IMMP2L: variants seen among roughly 807,000 people sequenced by gnomAD.
The protein encoded by IMMP2L is inner mitochondrial membrane peptidase subunit 2, also known as mitochondrial inner membrane protease subunit 2.
A neutral mutation model predicts 19.3 loss-of-function variants in IMMP2L; 18 were observed. That is an observed-to-expected ratio of 0.93 (90% CI 0.64 to 1.38). IMMP2L has a LOEUF of 1.38. IMMP2L is among the 40% of genes most tolerant of loss of function. IMMP2L has a pLI of 0.00. For synonymous variants in IMMP2L, 76 were observed against 73.0 expected, an observed-to-expected ratio of 1.04 and a Z score of -0.21; for missense variants, 233 against 218.2, an observed-to-expected ratio of 1.07 and a Z score of -0.43.
chr7:110,754,370 T>C (rs1385721176), intron 5 of IMMP2L, among the ~76,000 whole-genome samples: 1 of 152,028 alleles, frequency 6.6e-6, no homozygotes, highest in Non-Finnish European at 1.5e-5. Context: ...AAGTCCAGAT[T>C]TAATAGCCTG....
At chr7:111,337,367 A>G (rs911954402) in intron 3 of IMMP2L, among the ~76,000 whole-genome samples, 1 of 152,122 alleles carries the variant, frequency 6.6e-6, no homozygotes, top group Non-Finnish European at 1.5e-5. Context: ...CACCCCATTA[A>G]TTACTTTTTT....
chr7:110,891,563 A>G (rs1810801421), intron 4 of IMMP2L, among the ~76,000 whole-genome samples: 1 of 152,248 alleles, frequency 6.6e-6, no homozygotes, highest in South Asian at 2.1e-4. Flanking sequence ...AGGACAAACA[A>G]TAAGTAGCAA....
chr7:110,934,424 T>G (rs972662477), intron 4 of IMMP2L, among the ~76,000 whole-genome samples: 6 of 152,126 alleles, frequency 3.9e-5, no homozygotes, highest in Non-Finnish European at 1.5e-5. Context: ...GATCTAATAT[T>G]GACAGTGGGA....
At chr7:111,421,414 C>T (rs1835532435) in intron 3 of IMMP2L, among the ~76,000 whole-genome samples, 1 of 150,916 alleles carries the variant, frequency 6.6e-6, no homozygotes, top group Non-Finnish European at 1.5e-5. Context: ...GGACTACAGG[C>T]GCCCGCCATC....
intron 3 of IMMP2L, among the ~76,000 whole-genome samples, chr7:111,300,770 CATGT>C (rs1286965012): frequency 1.1e-4 from 16 of 152,104 alleles, no homozygotes; most frequent in Non-Finnish European, 8.8e-5. Context: ...CAGATTATTT[CATGT>C]ATCATACCTT....
intron 3 of IMMP2L, among the ~76,000 whole-genome samples, chr7:111,425,784 T>C (rs1836015056): frequency 6.6e-6 from 1 of 151,286 alleles, no homozygotes; most frequent in Non-Finnish European, 1.5e-5. Context: ...ATAATCTTAG[T>C]TACCCACCTG....
chr7:111,553,575 G>A (rs898979851), intron 1 of IMMP2L, among the ~76,000 whole-genome samples: 5 of 151,558 alleles, frequency 3.3e-5, no homozygotes, highest in African/African-American at 1.2e-4. Context: ...AAATATTACT[G>A]ACACTGAGAC....
At chr7:110,692,569 T>C (rs1441756031) in intron 5 of IMMP2L, among the ~76,000 whole-genome samples, 1 of 152,200 alleles carries the variant, frequency 6.6e-6, no homozygotes, top group African/African-American at 2.4e-5. Flanking sequence ...CTACACATTG[T>C]TAACCATAAC....
At chr7:111,091,702 A>C (rs1425976181) in intron 3 of IMMP2L, among the ~76,000 whole-genome samples, 1 of 151,968 alleles carries the variant, frequency 6.6e-6, no homozygotes, top group Non-Finnish European at 1.5e-5. Context: ...TGTGTTTGTG[A>C]GATTCTCCAA....
At chr7:110,747,422 C>A (rs1797424669) in intron 5 of IMMP2L, among the ~76,000 whole-genome samples, 1 of 152,136 alleles carries the variant, frequency 6.6e-6, no homozygotes, top group African/African-American at 2.4e-5. Context: ...ATCCTGATAC[C>A]AAAACCTGGC....
At chr7:110,796,962 C>T (rs369276605) in intron 5 of IMMP2L, among the ~76,000 whole-genome samples, 1 of 151,972 alleles carries the variant, frequency 6.6e-6, no homozygotes, top group South Asian at 2.1e-4. Flanking sequence ...CATTGTAAGC[C>T]TCTGGTTTGT....
chr7:111,084,349 G>C (rs372392425), intron 3 of IMMP2L, among the ~76,000 whole-genome samples: 2 of 151,742 alleles, frequency 1.3e-5, no homozygotes, highest in Non-Finnish European at 2.9e-5. Flanking sequence ...CCAGTTTAGG[G>C]GAGCGCTTAA....
Position 111,132,105 on chromosome 7 carries a change from G to A in IMMP2L, c.240-168540C>T, listed in dbSNP as rs1457152299. On this transcript the variant is annotated intron_variant, in intron 3 of 5. Coordinates refer to ENST00000405709, the MANE Select transcript of IMMP2L (RefSeq NM_032549.4). ...TCGCATCAGAAAATGGGGATAAAGAGTCTTTATTTGTCAAATTGCAGTTAC... is the reference window on the plus strand; with the variant it reads ...TCGCATCAGAAAATGGGGATAAAGAATCTTTATTTGTCAAATTGCAGTTAC... Among the ~76,000 whole-genome samples the A allele has an allele frequency of 4.6e-5, 7 of 151,870 alleles. No homozygotes were observed. In the East Asian group the frequency reaches 1.2e-3, roughly 25 times the overall value.
At chr7:110,737,559 C>T (rs1212753687) in intron 5 of IMMP2L, among the ~76,000 whole-genome samples, 1 of 152,224 alleles carries the variant, frequency 6.6e-6, no homozygotes, top group African/African-American at 2.4e-5. Context: ...CCTGTCTCTG[C>T]TCCCACCTGG....
At chr7:111,203,221 A>C (rs576464189) in intron 3 of IMMP2L, among the ~76,000 whole-genome samples, 1 of 152,250 alleles carries the variant, frequency 6.6e-6, no homozygotes, top group South Asian at 2.1e-4. Flanking sequence ...TTTTTCTTTT[A>C]CCATATTCAT....
chr7:111,445,133 T>C (rs1234854249), intron 3 of IMMP2L, among the ~76,000 whole-genome samples: 3 of 152,048 alleles, frequency 2.0e-5, no homozygotes, highest in African/African-American at 7.2e-5. Flanking sequence ...AAGTATGATA[T>C]CCTTTCCCAT....
intron 4 of IMMP2L, among the ~76,000 whole-genome samples, chr7:110,955,779 T>C (rs983189595): frequency 6.6e-6 from 1 of 151,602 alleles, no homozygotes; most frequent in African/African-American, 2.4e-5. Context: ...TGGACATGAG[T>C]TTCTTTTCAT....
At chr7:111,411,106 A>C (rs1834374206) in intron 3 of IMMP2L, among the ~76,000 whole-genome samples, 1 of 150,678 alleles carries the variant, frequency 6.6e-6, no homozygotes, top group Non-Finnish European at 1.5e-5. Flanking sequence ...AAAAAAAAAA[A>C]AGTAACAAAG....
At chr7:111,379,438 A>C (rs1224621708) in intron 3 of IMMP2L, among the ~76,000 whole-genome samples, 2 of 151,778 alleles carry the variant, frequency 1.3e-5, no homozygotes, top group Admixed American at 6.6e-5. Flanking sequence ...ATATGTCAAG[A>C]TGTTTACATG....
Sources: allele counts gnomAD v4.1 joint callset (sites outside exome capture counted in the v4.1 genomes callset), GRCh38; gene constraint gnomAD v4.1.1; transcripts MANE v1.5; gene names NCBI Gene and HGNC (gene_info 2026-07-23, HGNC 2026-07-21).